The following ANKRD28 variants were observed in gnomAD, a reference collection of about 807,000 sequenced individuals.
The protein encoded by ANKRD28 is serine/threonine-protein phosphatase 6 regulatory ankyrin repeat subunit A.
Under a neutral mutation model 126.5 loss-of-function variants are expected in ANKRD28, and 44 were observed. That is an observed-to-expected ratio of 0.35 (90% CI 0.27 to 0.45). The LOEUF is 0.45. Ranked by LOEUF, ANKRD28 falls within the 20% of genes least tolerant of loss-of-function variation. The pLI is 1.00. For synonymous variants in ANKRD28, 442 were observed against 468.5 expected, an observed-to-expected ratio of 0.94 and a Z score of 0.73; for missense variants, 1,110 against 1,316.6, an observed-to-expected ratio of 0.84 and a Z score of 2.43.
intron 1 of ANKRD28, among the ~76,000 whole-genome samples, chr3:15,821,169 G>C (rs1450326575): frequency 6.6e-6 from 1 of 152,050 alleles, no homozygotes; most frequent in African/African-American, 2.4e-5. Context: ...ATGTCCCCTG[G>C]AGAACAATAA....
intron 2 of ANKRD28, among the ~76,000 whole-genome samples, chr3:15,791,950 A>G (rs2060048444): frequency 6.6e-6 from 1 of 152,212 alleles, no homozygotes; most frequent in African/African-American, 2.4e-5. Flanking sequence ...CTGAATAGAC[A>G]TTCCTCAAAA....
rs569867647 is a variant in ANKRD28 at position 15,722,025 on chromosome 3, G to A, written c.784-898C>T. Among the ~76,000 whole-genome samples the A allele has an allele frequency of 3.9e-5, 6 of 152,146 alleles. No homozygotes were observed. The South Asian group carries it at 8.3e-4, about 21-fold the overall frequency. Reference sequence around the variant, plus strand: ...CTCCCAAAGTGCTGCGATTACAGGCGTGAGACCCTGTGCCCAGCCTTGTTT... The same window carrying A: ...CTCCCAAAGTGCTGCGATTACAGGCATGAGACCCTGTGCCCAGCCTTGTTT... On this transcript the variant is annotated intron_variant, in intron 7 of 27. Transcript: ENST00000683139.
At chr3:15,686,740 C>T (rs149078004) in intron 18 of ANKRD28, among the ~76,000 whole-genome samples, 120 of 152,132 alleles carry the variant, frequency 7.9e-4, no homozygotes, top group African/African-American at 2.8e-3. Context: ...ACTGAGATGC[C>T]GATAAGTCTA....
chr3:15,805,055 TTTCCAA>T lies in ANKRD28; in HGVS notation c.28-9755_28-9750del, dbSNP rs1265849304. On this transcript the variant is annotated intron_variant, in intron 1 of 27. Coordinates refer to the ANKRD28 transcript ENST00000399451. ...TTACGAAAACAGAGTTTCACTGACT[TTTCCAA>T]GTAAGTGTAGATTCAACAGTTACAC... Among the ~76,000 whole-genome samples the T allele has an allele frequency of 1.9e-4, 27 of 145,570 alleles. 3 individuals are homozygous for T. Among genetic ancestry groups the T allele is most frequent in the Middle Eastern group, 3.4e-3 (1 of 292 alleles).
At chr3:15,676,857 A>G in intron 26 of ANKRD28, 117 bp downstream of exon 26, 2 of 724,536 alleles carry the variant, frequency 2.8e-6, no homozygotes, top group East Asian at 2.8e-5. Context: ...TAAAACTATT[A>G]AAATTGCTTC....
At chr3:15,725,955 A>G (rs191386653) in intron 6 of ANKRD28, among the ~76,000 whole-genome samples, 20 of 152,264 alleles carry the variant, frequency 1.3e-4, no homozygotes, top group African/African-American at 4.8e-4. Flanking sequence ...AGGCCCGAAA[A>G]TCACTTGATC....
At chr3:15,791,195 T>C (rs1019990867) in intron 2 of ANKRD28, among the ~76,000 whole-genome samples, 4 of 151,296 alleles carry the variant, frequency 2.6e-5, no homozygotes, top group Admixed American at 1.3e-4. Context: ...TAAAATGTCC[T>C]GGCAATCTAT....
chr3:15,785,824 A>G (rs1458087787), intron 2 of ANKRD28, among the ~76,000 whole-genome samples: 2 of 152,094 alleles, frequency 1.3e-5, no homozygotes, highest in African/African-American at 4.8e-5. Flanking sequence ...AAGTAGGTGA[A>G]TGGATAAACT....
At chr3:15,694,911 G>C in intron 16 of ANKRD28, 98 bp from the exon 17 acceptor site, 1 of 1,120,982 alleles carries the variant, frequency 8.9e-7, no homozygotes, top group South Asian at 1.3e-5. Flanking sequence ...GTATTATTTG[G>C]CAACTCAGCA....
chr3:15,735,253 C>T (rs1039537882), intron 6 of ANKRD28, among the ~76,000 whole-genome samples, 157 bp downstream of exon 6: 2 of 152,052 alleles, frequency 1.3e-5, no homozygotes, highest in African/African-American at 4.8e-5. Context: ...CTCCAAACCT[C>T]CCCCATTACC....
intron 4 of ANKRD28, among the ~76,000 whole-genome samples, chr3:15,738,978 C>T (rs1453365455): frequency 6.6e-6 from 1 of 151,938 alleles, no homozygotes; most frequent in Non-Finnish European, 1.5e-5. Flanking sequence ...AGCGATATTT[C>T]TCCTATTTGC....
At chr3:15,685,837 CTG>C (rs2068052265) in intron 20 of ANKRD28, among the ~76,000 whole-genome samples, 163 bp downstream of exon 20, 1 of 152,128 alleles carries the variant, frequency 6.6e-6, no homozygotes, top group Non-Finnish European at 1.5e-5. Flanking sequence ...AAGTTGTACT[CTG>C]TAATTGTTCA....
At position 15,696,158 on chromosome 3, in the gene ANKRD28, A is replaced by G. The variant is rs773786889; in HGVS notation, c.1635T>C (p.Tyr545=). 118 of 1,588,602 alleles carry G rather than the reference A, an allele frequency of 7.4e-5. No homozygotes were observed. The highest frequency in any genetic ancestry group is 9.9e-5 in the Non-Finnish European group (115 of 1,165,066). The part of the protein sequence containing the change: ...GYNAVHYSAA[Y]GHRLCLQLIA... Reference sequence around the variant, plus strand: ...CCAGCTGAAGACATAGACGGTGACCATAAGCAGCTGAATAATGAACTGCGT... The same window carrying G: ...CCAGCTGAAGACATAGACGGTGACCGTAAGCAGCTGAATAATGAACTGCGT... The change falls in exon 15 of 28, where the codon TAT becomes TAC. Residue 545 remains tyrosine (Y), a synonymous_variant. Transcript: ENST00000683139.
chr3:15,786,312 C>T (rs1559529765), intron 2 of ANKRD28, among the ~76,000 whole-genome samples: 1 of 151,974 alleles, frequency 6.6e-6, no homozygotes, highest in Non-Finnish European at 1.5e-5. Flanking sequence ...CTGTATCTTC[C>T]TCTCAACACT....
chr3:15,696,000 T>C, intron 15 of ANKRD28, 134 bp downstream of exon 15: 2 of 660,218 alleles, frequency 3.0e-6, no homozygotes, highest in Non-Finnish European at 5.3e-6. Context: ...AGTGTGAATT[T>C]AAGAGGTATA....
intron 1 of ANKRD28, among the ~76,000 whole-genome samples, chr3:15,829,549 A>T (rs1017245034): frequency 1.6e-4 from 24 of 152,210 alleles, no homozygotes; most frequent in African/African-American, 2.4e-5. Context: ...GATCTTTTTT[A>T]ACCCATGTGT....
In ANKRD28 at chr3:15,687,308, T is replaced by C. The variant is rs116966624; in HGVS notation, c.1964-999A>G. On this transcript the variant is annotated intron_variant, in intron 18 of 27. Transcript: ENST00000683139. ...CTATTTTCAGTAGGGTACTCTGTTA[T>C]TTATGGCTGAAATAATTTCAAATGA... is the stretch of plus-strand genomic sequence containing the variant. Among the ~76,000 whole-genome samples, 421 of 152,190 alleles carry C rather than the reference T, an allele frequency of 2.8e-3. 13 individuals are homozygous for C. The East Asian group carries it at 0.058, about 21-fold the overall frequency.
At chr3:15,773,409 G>T (rs138049504) in intron 2 of ANKRD28, among the ~76,000 whole-genome samples, 469 of 152,316 alleles carry the variant, frequency 3.1e-3, no homozygotes, top group Middle Eastern at 0.021. Flanking sequence ...CGGATCACCT[G>T]AGGTCAAGAA....
At chr3:15,850,204 A>AAAATATATATATATATATATAT (rs1486394619) in intron 1 of ANKRD28, among the ~76,000 whole-genome samples, 1 of 54,836 alleles carries the variant, frequency 1.8e-5, no homozygotes, top group Non-Finnish European at 3.8e-5. Flanking sequence ...AAAAAAAAAA[A>AAAATATATATATATATATATAT]ATATATATAT....
Sources: gnomAD v4.1 joint callset for allele counts (sites outside exome capture counted in the v4.1 genomes callset) on GRCh38, gnomAD v4.1.1 for gene constraint, MANE v1.5 for transcripts, NCBI Gene and HGNC (gene_info 2026-07-23, HGNC 2026-07-21) for gene names.